The following GRID2 variants were observed in gnomAD, a reference collection of about 807,000 sequenced individuals.
The protein encoded by GRID2 is glutamate ionotropic receptor delta type subunit 2, also known as glutamate receptor ionotropic, delta-2.
Under a neutral mutation model 114.8 loss-of-function variants are expected in GRID2, and 33 were observed. The observed-to-expected ratio is 0.29, with a 90% CI of 0.22 to 0.38. The LOEUF is 0.38. Ranked by LOEUF, GRID2 falls within the 10% of genes least tolerant of loss-of-function variation. GRID2 has a pLI of 1.00. For missense variants in GRID2, 1,184 were observed against 1,257.7 expected, an observed-to-expected ratio of 0.94 and a Z score of 0.89; for synonymous variants, 505 against 449.9, an observed-to-expected ratio of 1.12 and a Z score of -1.55.
intron 1 of GRID2, among the ~76,000 whole-genome samples, chr4:92,467,121 C>T (rs1168428699): frequency 6.6e-6 from 1 of 151,386 alleles, no homozygotes; most frequent in African/African-American, 2.4e-5. Flanking sequence ...GTTGAAAAAG[C>T]GAATGTTAAA....
At chr4:93,762,337 G>A (rs1340618590) in intron 14 of GRID2, among the ~76,000 whole-genome samples, 2 of 151,950 alleles carry the variant, frequency 1.3e-5, no homozygotes, top group South Asian at 2.1e-4. Flanking sequence ...TCATAAGTAG[G>A]TACTGATAAA....
At chr4:93,470,687 A>G (rs1435294072) in intron 11 of GRID2, among the ~76,000 whole-genome samples, 6 of 152,088 alleles carry the variant, frequency 3.9e-5, no homozygotes, top group Non-Finnish European at 8.8e-5. Context: ...TGATTTTTCA[A>G]TGTAGTTTCA....
At position 92,601,270 on chromosome 4, in the gene GRID2, A is replaced by G. The variant is rs192201460; in HGVS notation, c.244+10984A>G. ...CATGGCACTTACATTAAAATTCATCACATAATTAGAAGTAACACACTCTTT... is the reference window on the plus strand; with the variant it reads ...CATGGCACTTACATTAAAATTCATCGCATAATTAGAAGTAACACACTCTTT... On this transcript the variant is annotated intron_variant, in intron 2 of 15. Transcript: ENST00000282020. Among the ~76,000 whole-genome samples the G allele has an allele frequency of 1.9e-4, 29 of 152,302 alleles. No individual in the cohort carries two copies. In the East Asian group the frequency reaches 4.6e-3, roughly 24 times the overall value.
chr4:93,499,978 A>T (rs1364620489), intron 12 of GRID2, among the ~76,000 whole-genome samples: 2 of 152,004 alleles, frequency 1.3e-5, no homozygotes, highest in Non-Finnish European at 1.5e-5. Context: ...CTAAACCTTT[A>T]TTGTATGAAA....
intron 14 of GRID2, among the ~76,000 whole-genome samples, chr4:93,666,137 A>C (rs972198885): frequency 6.6e-6 from 1 of 152,072 alleles, no homozygotes; most frequent in Non-Finnish European, 1.5e-5. Flanking sequence ...GCTTCTTTTA[A>C]AAGTATGACC....
At chr4:93,681,808 ACCTAAAAC>A (rs1201508263) in intron 14 of GRID2, among the ~76,000 whole-genome samples, 1 of 152,208 alleles carries the variant, frequency 6.6e-6, no homozygotes, top group Non-Finnish European at 1.5e-5. Flanking sequence ...TACATGTTAG[ACCTAAAAC>A]CATAAAAACC....
intron 1 of GRID2, among the ~76,000 whole-genome samples, chr4:92,499,907 G>A (rs149451247): frequency 2.6e-5 from 4 of 152,220 alleles, no homozygotes; most frequent in East Asian, 3.8e-4. Context: ...GCGCCATTGC[G>A]CCTGGCCTAT....
chr4:93,759,280 T>C (rs1012568483), intron 14 of GRID2, among the ~76,000 whole-genome samples: 10 of 152,296 alleles, frequency 6.6e-5, no homozygotes, highest in Non-Finnish European at 1.5e-4. Context: ...GCAAGACTTA[T>C]GGTTGAAGGA....
intron 2 of GRID2, among the ~76,000 whole-genome samples, chr4:92,675,551 A>ATTTTTTTTTTTTTT (rs576488084): frequency 3.0e-5 from 4 of 133,030 alleles, no homozygotes; most frequent in South Asian, 2.6e-4. Flanking sequence ...TTGGGCTACA[A>ATTTTTTTTTTTTTT]TTTTTTTTTT....
chr4:92,479,653 TG>T (rs1722486978), intron 1 of GRID2, among the ~76,000 whole-genome samples: 1 of 152,186 alleles, frequency 6.6e-6, no homozygotes, highest in Non-Finnish European at 1.5e-5. Flanking sequence ...ATAAAGTTGC[TG>T]CTTATTGAGG....
intron 1 of GRID2, among the ~76,000 whole-genome samples, chr4:92,416,948 T>G (rs1731648173): frequency 1.3e-5 from 2 of 152,176 alleles, no homozygotes; most frequent in Admixed American, 6.5e-5. Context: ...GAATTATTAT[T>G]GTATTTTAAT....
intron 13 of GRID2, among the ~76,000 whole-genome samples, chr4:93,562,478 A>G (rs189880769): frequency 9.9e-5 from 15 of 152,090 alleles, no homozygotes; most frequent in Admixed American, 9.8e-4. Context: ...ATATTTTTCC[A>G]AGGCTGTGGC....
chr4:93,365,312 C>G (rs893671917), intron 8 of GRID2, among the ~76,000 whole-genome samples: 2 of 152,154 alleles, frequency 1.3e-5, no homozygotes, highest in African/African-American at 4.8e-5. Flanking sequence ...TTTGCCTCCT[C>G]TACAATCCAT....
At chr4:93,417,338 A>C (rs953430933) in intron 9 of GRID2, among the ~76,000 whole-genome samples, 1 of 152,134 alleles carries the variant, frequency 6.6e-6, no homozygotes, top group Admixed American at 6.6e-5. Context: ...TTCCCTGTCA[A>C]GTAAATAGCA....
chr4:93,644,518 T>C (rs1721929745), intron 14 of GRID2, among the ~76,000 whole-genome samples: 1 of 152,170 alleles, frequency 6.6e-6, no homozygotes, highest in Non-Finnish European at 1.5e-5. Context: ...TTTTCTCAAT[T>C]TTCTGTGTAT....
chr4:92,831,622 G>A (rs1742109470), intron 2 of GRID2, among the ~76,000 whole-genome samples: 1 of 151,896 alleles, frequency 6.6e-6, no homozygotes, highest in Admixed American at 6.6e-5. Context: ...GGGAAGCTGG[G>A]GCAGGAGGAT....
chr4:92,611,073 T>C (rs201796574), intron 2 of GRID2, among the ~76,000 whole-genome samples: 1 of 137,050 alleles, frequency 7.3e-6, no homozygotes, highest in Admixed American at 7.4e-5. Flanking sequence ...TGTGTGTATA[T>C]ATATATGTGT....
intron 4 of GRID2, among the ~76,000 whole-genome samples, chr4:93,131,959 C>T (rs1734845784): frequency 6.6e-6 from 1 of 152,124 alleles, no homozygotes; most frequent in South Asian, 2.1e-4. Context: ...TATCTGTGAT[C>T]TGATTTTAGG....
chr4:92,359,815 A>G (rs1334767457), intron 1 of GRID2, among the ~76,000 whole-genome samples: 1 of 151,810 alleles, frequency 6.6e-6, no homozygotes, highest in African/African-American at 2.4e-5. Context: ...TTGCCAAAAC[A>G]TTTTTTCCTA....
Sources: gnomAD v4.1 joint callset for allele counts (sites outside exome capture counted in the v4.1 genomes callset) on GRCh38, gnomAD v4.1.1 for gene constraint, MANE v1.5 for transcripts, NCBI Gene and HGNC (gene_info 2026-07-23, HGNC 2026-07-21) for gene names.